The following KCTD8 variants were observed in gnomAD, a reference collection of about 807,000 sequenced individuals.
The protein encoded by KCTD8 is BTB/POZ domain-containing protein KCTD8.
KCTD8 carries 27 observed loss-of-function variants against 31.5 expected under a neutral mutation model. The observed-to-expected ratio is 0.86, with a 90% CI of 0.63 to 1.18. KCTD8 has a LOEUF of 1.18. Among genes scored for constraint, KCTD8 ranks in the 50% most tolerant of loss-of-function variants. The probability of loss-of-function intolerance (pLI) is 0.00; values close to 1 mark genes in which losing one functional copy is unlikely to be tolerated. For synonymous variants in KCTD8, 290 were observed against 280.0 expected, an observed-to-expected ratio of 1.04 and a Z score of -0.36; for missense variants, 658 against 647.7, an observed-to-expected ratio of 1.02 and a Z score of -0.17.
At chr4:44,198,490 T>TG (rs1714016164) in intron 1 of KCTD8, among the ~76,000 whole-genome samples, 1 of 152,066 alleles carries the variant, frequency 6.6e-6, no homozygotes, top group East Asian at 1.9e-4. Context: ...CAGAAGAAAT[T>TG]GGGGGCATAT....
At chr4:44,263,699 C>A (rs1452753459) in intron 1 of KCTD8, among the ~76,000 whole-genome samples, 2 of 152,072 alleles carry the variant, frequency 1.3e-5, no homozygotes, top group Non-Finnish European at 2.9e-5. Context: ...TTAGTGATGG[C>A]TTAAAATGCA....
chr4:44,281,270 G>T (rs747283933), intron 1 of KCTD8, among the ~76,000 whole-genome samples: 7 of 152,068 alleles, frequency 4.6e-5, no homozygotes, highest in Non-Finnish European at 1.0e-4. Flanking sequence ...CCTGGTTGTT[G>T]AGTCTCATTT....
At chr4:44,415,771 CAA>C (rs1721065367) in intron 1 of KCTD8, among the ~76,000 whole-genome samples, 1 of 152,192 alleles carries the variant, frequency 6.6e-6, no homozygotes, top group African/African-American at 2.4e-5. Flanking sequence ...CCCTGGATTT[CAA>C]AAGACGTGCT....
rs578037498 is a variant in KCTD8, at chr4:44,262,961, A to C, written c.962-87711T>G. ...AGAGCAAAGTAGAATCGCTAGTATT[A>C]TGAAATGAAACATATGTTGAATTAT... On this transcript the variant is annotated intron_variant, in intron 1 of 1. Transcript: ENST00000360029. Among the ~76,000 whole-genome samples, 14 of 152,270 alleles carry C rather than the reference A, an allele frequency of 9.2e-5. No homozygotes were observed. In the East Asian group the frequency reaches 2.5e-3, roughly 27 times the overall value.
At chr4:44,443,366 T>A (rs532181012) in intron 1 of KCTD8, among the ~76,000 whole-genome samples, 1 of 152,322 alleles carries the variant, frequency 6.6e-6, no homozygotes, top group South Asian at 2.1e-4. Context: ...ACAGAATGAT[T>A]TTTAAAGATG....
intron 1 of KCTD8, among the ~76,000 whole-genome samples, chr4:44,222,246 T>C (rs1296539183): frequency 6.6e-6 from 1 of 152,190 alleles, no homozygotes; most frequent in Non-Finnish European, 1.5e-5. Flanking sequence ...CCTGCTATCT[T>C]TGTTTGCTGA....
chr4:44,272,095 C>T (rs577495144), intron 1 of KCTD8, among the ~76,000 whole-genome samples: 1 of 143,454 alleles, frequency 7.0e-6, no homozygotes, highest in African/African-American at 2.9e-5. Flanking sequence ...AGTAGAGGTC[C>T]ATCAATAAAT....
intron 1 of KCTD8, among the ~76,000 whole-genome samples, chr4:44,403,447 A>AT (rs1720713536): frequency 6.8e-6 from 1 of 147,500 alleles, no homozygotes; most frequent in African/African-American, 2.5e-5. Context: ...AAAAAAACAG[A>AT]TTAAGTGGCT....
intron 1 of KCTD8, among the ~76,000 whole-genome samples, chr4:44,380,729 C>G (rs1720043481): frequency 6.6e-6 from 1 of 151,834 alleles, no homozygotes; most frequent in African/African-American, 2.4e-5. Flanking sequence ...GGGTGTACAT[C>G]AATTTGCTCT....
Position 44,447,609 on chromosome 4 carries a change from G to C in KCTD8, c.915C>G (p.Tyr305Ter), listed in dbSNP as rs778380899. 5.0e-6 allele frequency: 8 copies of C among 1,604,200 alleles called. No individual in the cohort carries two copies. Among genetic ancestry groups the C allele is most frequent in the Non-Finnish European group, 6.8e-6 (8 of 1,175,722 alleles). Residue 305 changes from tyrosine (Y) to a stop codon, truncating the protein, a stop_gained, in exon 1 of 2, where the codon TAC becomes TAG. Transcript: ENST00000360029. LOFTEE classifies it high-confidence loss of function. ...SSGTAAFVNQ[Y>*]RDDKIWSSYT... ...AGCTGCTCCAGATCTTGTCGTCGCG[G>C]TACTGGTTGACGAAGGCGGCGGTGC...
intron 1 of KCTD8, among the ~76,000 whole-genome samples, chr4:44,330,446 T>C: frequency 6.6e-6 from 1 of 151,962 alleles, no homozygotes; most frequent in East Asian, 1.9e-4. Context: ...ATATACCATG[T>C]TTTATCAGAG....
At chr4:44,229,478 C>T (rs1715056720) in intron 1 of KCTD8, among the ~76,000 whole-genome samples, 1 of 152,216 alleles carries the variant, frequency 6.6e-6, no homozygotes, top group African/African-American at 2.4e-5. Context: ...ACTTCCTAAA[C>T]ACACTGCACT....
chr4:44,405,187 G>T (rs777721171), intron 1 of KCTD8, among the ~76,000 whole-genome samples: 2 of 151,980 alleles, frequency 1.3e-5, no homozygotes, highest in Non-Finnish European at 2.9e-5. Context: ...AAAAAAAAAG[G>T]TCACTTGCAA....
At chr4:44,383,590 T>C (rs551880317) in intron 1 of KCTD8, among the ~76,000 whole-genome samples, 2 of 152,138 alleles carry the variant, frequency 1.3e-5, no homozygotes, top group South Asian at 2.1e-4. Context: ...CTTTAATGAA[T>C]AGTGCTGGGA....
intron 1 of KCTD8, among the ~76,000 whole-genome samples, chr4:44,294,045 T>C (rs1363773569): frequency 6.6e-6 from 1 of 152,202 alleles, no homozygotes; most frequent in African/African-American, 2.4e-5. Context: ...AGGAAAAGGA[T>C]AATGTTCATT....
Position 44,448,237 on chromosome 4 carries a change from C to G in KCTD8, c.287G>C (p.Arg96Pro). The G allele has an allele frequency of 6.2e-7, 1 of 1,611,480 alleles. No homozygotes were observed. Among genetic ancestry groups the G allele is most frequent in the Non-Finnish European group, 8.5e-7 (1 of 1,179,356 alleles). The part of the protein sequence containing the change: ...RGELPRDSRA[R>P]FFIDRDGFLF... ...GAAGCCGTCCCGGTCGATGAAGAAG[C>G]GCGCCCGGCTGTCCCTGGGCAGCTC... The change falls in exon 1 of 2, where the codon CGC becomes CCC. Residue 96 changes from arginine to proline, a missense_variant. Transcript: ENST00000360029. This position sits in a 1 kb window ranked among gnomAD's most constrained non-coding sequence, Gnocchi z 4.1.
chr4:44,194,275 T>A (rs1028294931), intron 1 of KCTD8, among the ~76,000 whole-genome samples: 4 of 152,172 alleles, frequency 2.6e-5, no homozygotes, highest in Non-Finnish European at 5.9e-5. Flanking sequence ...ATAGTGCACT[T>A]TAGTCTAAAC....
intron 1 of KCTD8, among the ~76,000 whole-genome samples, chr4:44,385,488 T>C (rs1335715473): frequency 1.3e-5 from 2 of 151,732 alleles, no homozygotes; most frequent in Non-Finnish European, 3.0e-5. Context: ...CTTGGAAAAC[T>C]GTATATCTAT....
At chr4:44,212,295 T>C (rs1714511207) in intron 1 of KCTD8, among the ~76,000 whole-genome samples, 1 of 152,200 alleles carries the variant, frequency 6.6e-6, no homozygotes, top group Admixed American at 6.5e-5. Flanking sequence ...TATTCAAGAC[T>C]TTACCATTGG....
Sources: gnomAD v4.1 joint callset for allele counts (sites outside exome capture counted in the v4.1 genomes callset) on GRCh38, gnomAD v4.1.1 for gene constraint, Gnocchi (gnomAD v3.1) non-coding constraint, MANE v1.5 for transcripts, NCBI Gene and HGNC (gene_info 2026-07-23, HGNC 2026-07-21) for gene names.